The following TMOD3 variants were observed in gnomAD, a reference collection of about 807,000 sequenced individuals.
TMOD3 encodes tropomodulin-3.
Under a neutral mutation model 39.2 loss-of-function variants are expected in TMOD3, and 20 were observed. That is an observed-to-expected ratio of 0.51 (90% CI 0.36 to 0.74). The LOEUF (loss-of-function observed/expected upper bound fraction) is 0.74. Ranked by LOEUF, TMOD3 falls within the 30% of genes least tolerant of loss-of-function variation. The pLI is 0.00. For synonymous variants in TMOD3, 143 were observed against 145.8 expected (o/e 0.98, Z 0.14); for missense variants, 381 against 412.8 (o/e 0.92, Z 0.67).
chr15:51,845,890 A>T (rs906236504), intron 1 of TMOD3, among the ~76,000 whole-genome samples: 1 of 152,186 alleles, frequency 6.6e-6, no homozygotes, highest in Non-Finnish European at 1.5e-5. Context: ...GTAATCAATC[A>T]AGGAGTCAGA....
intron 1 of TMOD3, among the ~76,000 whole-genome samples, chr15:51,855,506 A>G (rs1418597511): frequency 6.6e-6 from 1 of 152,272 alleles, no homozygotes; most frequent in Non-Finnish European, 1.5e-5. Flanking sequence ...CTTACCTGGC[A>G]GAACTTGCTT....
intron 1 of TMOD3, among the ~76,000 whole-genome samples, chr15:51,855,297 G>T (rs1323453984): frequency 1.3e-5 from 2 of 152,222 alleles, no homozygotes; most frequent in Non-Finnish European, 2.9e-5. Flanking sequence ...TATTAGAAAT[G>T]CAGATTATCT....
At chr15:51,879,658 T>C (rs79030504) in intron 3 of TMOD3, among the ~76,000 whole-genome samples, 2,690 of 152,102 alleles carry the variant, frequency 0.018, 80 homozygotes, top group East Asian at 0.075. Flanking sequence ...GGGACTGATA[T>C]TATACAGATT....
At chr15:51,907,020 CAAAAA>C in intron 9 of TMOD3, among the ~76,000 whole-genome samples, 1 of 116,038 alleles carries the variant, frequency 8.6e-6, no homozygotes, top group Admixed American at 8.9e-5. Flanking sequence ...AACTCCGTCT[CAAAAA>C]AAAAAAAAAA....
chr15:51,892,633 C>T (rs1351851836), intron 5 of TMOD3, among the ~76,000 whole-genome samples: 1 of 152,178 alleles, frequency 6.6e-6, no homozygotes, highest in Non-Finnish European at 1.5e-5. Flanking sequence ...AAGTTCTCCC[C>T]ACTTTCCCAC....
At position 51,829,724 on chromosome 15, in the gene TMOD3, T is replaced by A; in HGVS notation, c.-187T>A. ...GCTGGCGGGTGGGTCTGGCAACTCT[T>A]TGGGAGGCCGACGCGGGCGGACCGG... On this transcript the variant is annotated 5_prime_UTR_variant, in exon 1 of 10. The change creates a new upstream start codon in the 5' untranslated region. Transcript: ENST00000308580. 1 of 152,608 alleles carries A rather than the reference T, an allele frequency of 6.6e-6. No individual in the cohort carries two copies. The highest frequency in any genetic ancestry group is 1.5e-5 in the Non-Finnish European group (1 of 68,266). The allele number at this position is 152,608 out of a possible 1,614,324, so 9.5% of individuals were successfully genotyped here. A position where few individuals can be genotyped will look rare whatever the true frequency, so the allele number is the denominator to read the frequency against.
intron 2 of TMOD3, among the ~76,000 whole-genome samples, chr15:51,865,304 A>G (rs1003415710): frequency 1.6e-4 from 24 of 152,218 alleles, no homozygotes. Flanking sequence ...GTTCAGAAAC[A>G]TTGATCTAGT....
intron 1 of TMOD3, among the ~76,000 whole-genome samples, chr15:51,849,406 A>G (rs76603128): frequency 0.013 from 1,938 of 152,300 alleles, 45 homozygotes; most frequent in African/African-American, 0.045. Context: ...GATTGGAGAT[A>G]TCAATTTAAA....
intron 1 of TMOD3, among the ~76,000 whole-genome samples, chr15:51,831,742 CTT>C (rs1424690602): frequency 6.6e-6 from 1 of 151,388 alleles, no homozygotes; most frequent in Non-Finnish European, 1.5e-5. Flanking sequence ...TCTTTTTTCT[CTT>C]TGCTTTTTTT....
In TMOD3 at chr15:51,908,831, T is replaced by C. The variant is rs1434618803; in HGVS notation, c.*21T>C. On this transcript the variant is annotated 3_prime_UTR_variant, in exon 10 of 10. Coordinates refer to ENST00000308580, the MANE Select transcript of TMOD3 (RefSeq NM_014547.5). The stretch of plus-strand genomic sequence containing the variant: ...AGTAAGTCTGCAAAGGTGTAATCTT[T>C]GGAAGACTTCAGAAGATCACCAAGG... The C allele has an allele frequency of 1.3e-6, 2 of 1,595,662 alleles. No individual in the cohort carries two copies. Among genetic ancestry groups the C allele is most frequent in the Admixed American group, 1.7e-5 (1 of 57,404 alleles).
At chr15:51,889,400 A>C (rs1474771073) in intron 5 of TMOD3, among the ~76,000 whole-genome samples, 3 of 152,100 alleles carry the variant, frequency 2.0e-5, no homozygotes, top group Non-Finnish European at 4.4e-5. Flanking sequence ...AGCTAGTCCA[A>C]CTTGGTTTTG....
At chr15:51,897,147 A>C (rs370281504) in intron 7 of TMOD3, among the ~76,000 whole-genome samples, 1 of 152,278 alleles carries the variant, frequency 6.6e-6, no homozygotes, top group East Asian at 1.9e-4. Flanking sequence ...GTTTCTCCAT[A>C]TCTCTTCAAC....
At chr15:51,848,792 GTCAATA>G (rs1409651843) in intron 1 of TMOD3, among the ~76,000 whole-genome samples, 17 of 152,178 alleles carry the variant, frequency 1.1e-4, no homozygotes, top group Non-Finnish European at 2.1e-4. Context: ...ATGACTGCCA[GTCAATA>G]TCTGAAACAA....
chr15:51,866,609 G>A (rs1365498553), intron 2 of TMOD3, among the ~76,000 whole-genome samples: 1 of 152,176 alleles, frequency 6.6e-6, no homozygotes, highest in East Asian at 1.9e-4. Flanking sequence ...GGCAGGTAGA[G>A]TAGTGCAAAT....
At chr15:51,886,322 GA>G (rs769392366) in intron 3 of TMOD3, among the ~76,000 whole-genome samples, 20 of 152,324 alleles carry the variant, frequency 1.3e-4, no homozygotes, top group Non-Finnish European at 2.2e-4. Context: ...AGGCGGCTGG[GA>G]GGTGGAGGCT....
At chr15:51,902,644 A>ATTTTTTTT (rs200954393) in intron 9 of TMOD3, among the ~76,000 whole-genome samples, 21 of 94,922 alleles carry the variant, frequency 2.2e-4, no homozygotes, top group East Asian at 1.1e-3. Context: ...TAATTTTTGT[A>ATTTTTTTT]TTTTTTTTTT....
intron 1 of TMOD3, among the ~76,000 whole-genome samples, chr15:51,857,342 A>G (rs2141679827): frequency 6.6e-6 from 1 of 152,312 alleles, no homozygotes; most frequent in South Asian, 2.1e-4. Flanking sequence ...TATGCTGGGC[A>G]GGGTGTTCAT....
At chr15:51,832,672 T>TA (rs2056262509) in intron 1 of TMOD3, among the ~76,000 whole-genome samples, 1 of 151,822 alleles carries the variant, frequency 6.6e-6, no homozygotes, top group East Asian at 1.9e-4. Context: ...TCTCAAAAAC[T>TA]AAAACAAAAG....
intron 2 of TMOD3, among the ~76,000 whole-genome samples, chr15:51,864,784 G>A (rs983146549): frequency 2.0e-5 from 3 of 152,138 alleles, no homozygotes; most frequent in Admixed American, 6.6e-5. Flanking sequence ...GGTGATTTAG[G>A]GGGAGGGGAA....
Sources: gnomAD v4.1 joint callset for allele counts (sites outside exome capture counted in the v4.1 genomes callset) on GRCh38, gnomAD v4.1.1 for gene constraint, MANE v1.5 for transcripts, NCBI Gene and HGNC (gene_info 2026-07-23, HGNC 2026-07-21) for gene names.